Variants in CTNNA3 observed in about 807,000 individuals in gnomAD.
The protein encoded by CTNNA3 is catenin alpha-3.
CTNNA3 carries 76 observed loss-of-function variants against 95.7 expected under a neutral mutation model. That is an observed-to-expected ratio of 0.79 (90% confidence interval 0.66 to 0.96). CTNNA3 has a LOEUF of 0.96. Ranked by LOEUF, CTNNA3 falls within the 40% of genes least tolerant of loss-of-function variation. The pLI, the probability that CTNNA3 is intolerant of heterozygous loss-of-function variation, is 0.00. For synonymous variants in CTNNA3, 431 were observed against 374.4 expected, an observed-to-expected ratio of 1.15 and a Z score of -1.74; for missense variants, 1,191 against 1,089.8, an observed-to-expected ratio of 1.09 and a Z score of -1.31.
intron 5 of CTNNA3, among the ~76,000 whole-genome samples, chr10:67,337,581 T>G (rs1271385826): frequency 6.6e-6 from 1 of 152,172 alleles, no homozygotes; most frequent in East Asian, 1.9e-4. Context: ...ATATTATGGG[T>G]AAAATGCTAT....
At chr10:66,360,723 C>T (rs868486486) in intron 12 of CTNNA3, among the ~76,000 whole-genome samples, 2 of 47,800 alleles carry the variant, frequency 4.2e-5, no homozygotes, top group African/African-American at 1.7e-4. Flanking sequence ...TTCCTTTCTT[C>T]CTTTCTTTCT....
chr10:66,059,960 C>T (rs1277504649), intron 15 of CTNNA3, among the ~76,000 whole-genome samples: 1 of 151,952 alleles, frequency 6.6e-6, no homozygotes, highest in African/African-American at 2.4e-5. Context: ...AAAGGTGGTA[C>T]ACTCTTAACA....
intron 7 of CTNNA3, among the ~76,000 whole-genome samples, chr10:66,996,670 A>AAAAAAAAAAAAAAAAC (rs1217903200): frequency 6.6e-6 from 1 of 150,594 alleles, no homozygotes; most frequent in East Asian, 2.0e-4. Context: ...AAAAAAAAAA[A>AAAAAAAAAAAAAAAAC]AGCATGTTTG....
chr10:67,327,222 T>G (rs963389890), intron 5 of CTNNA3, among the ~76,000 whole-genome samples: 2 of 152,326 alleles, frequency 1.3e-5, no homozygotes, highest in Admixed American at 6.5e-5. Context: ...ATTCTATTTC[T>G]GTCATTTCAG....
chr10:66,455,543 C>A (rs1269101523), intron 11 of CTNNA3, among the ~76,000 whole-genome samples: 2 of 152,162 alleles, frequency 1.3e-5, no homozygotes, highest in Non-Finnish European at 2.9e-5. Context: ...ACACTCCCAC[C>A]AGTGCCCTGA....
intron 5 of CTNNA3, among the ~76,000 whole-genome samples, chr10:67,298,839 C>G (rs1436231826): frequency 6.6e-6 from 1 of 152,188 alleles, no homozygotes; most frequent in Non-Finnish European, 1.5e-5. Context: ...AAAATATACT[C>G]TCATGCTCCA....
chr10:66,523,904 A>G (rs935786509), intron 10 of CTNNA3, among the ~76,000 whole-genome samples: 11 of 152,126 alleles, frequency 7.2e-5, no homozygotes, highest in Non-Finnish European at 1.3e-4. Context: ...AACAAACACC[A>G]TATTTCTTTT....
chr10:66,636,732 A>T (rs1845350087), intron 9 of CTNNA3, among the ~76,000 whole-genome samples: 1 of 152,220 alleles, frequency 6.6e-6, no homozygotes, highest in Non-Finnish European at 1.5e-5. Flanking sequence ...TAAAGACAAC[A>T]ACAAAATCCA....
intron 7 of CTNNA3, among the ~76,000 whole-genome samples, chr10:66,982,741 G>A (rs1850512006): frequency 6.6e-6 from 1 of 152,162 alleles, no homozygotes; most frequent in Non-Finnish European, 1.5e-5. Flanking sequence ...AATAAAAGGT[G>A]AGAGAAAAGA....
chr10:67,287,898 T>C (rs1478426287), intron 5 of CTNNA3, among the ~76,000 whole-genome samples: 1 of 152,184 alleles, frequency 6.6e-6, no homozygotes, highest in East Asian at 1.9e-4. Context: ...AGAACAACTT[T>C]TACTGAGAGT....
intron 10 of CTNNA3, among the ~76,000 whole-genome samples, chr10:66,598,491 T>C (rs977986162): frequency 6.6e-6 from 1 of 151,996 alleles, no homozygotes; most frequent in Non-Finnish European, 1.5e-5. Context: ...GTAGACAACA[T>C]GGTCTTATAT....
At chr10:66,466,373 C>CACACAA (rs1222364133) in intron 11 of CTNNA3, among the ~76,000 whole-genome samples, 3 of 150,732 alleles carry the variant, frequency 2.0e-5, no homozygotes, top group Non-Finnish European at 4.4e-5. Context: ...CACACACACA[C>CACACAA]AATCTATTGG....
At chr10:66,934,718 C>T (rs1847593794) in intron 7 of CTNNA3, among the ~76,000 whole-genome samples, 2 of 152,080 alleles carry the variant, frequency 1.3e-5, no homozygotes, top group Non-Finnish European at 2.9e-5. Context: ...AACACTCTTT[C>T]CAACAATCAG....
chr10:67,266,982 C>G (rs1290796256), intron 5 of CTNNA3, among the ~76,000 whole-genome samples: 1 of 152,042 alleles, frequency 6.6e-6, no homozygotes, highest in East Asian at 1.9e-4. Flanking sequence ...TAGAATTAAA[C>G]TTTTGTTGTT....
intron 15 of CTNNA3, among the ~76,000 whole-genome samples, chr10:66,021,543 C>A (rs2079208677): frequency 6.6e-6 from 1 of 152,124 alleles, no homozygotes; most frequent in African/African-American, 2.4e-5. Flanking sequence ...ACTTTGGCAG[C>A]ATTCTTACTG....
intron 13 of CTNNA3, among the ~76,000 whole-genome samples, chr10:66,274,263 T>C (rs372783856): frequency 1.8e-4 from 27 of 152,298 alleles, no homozygotes; most frequent in Middle Eastern, 3.4e-3. Context: ...TAGAATTTTA[T>C]ACCATTTTCA....
At chr10:67,501,011 T>C (rs187027649) in intron 5 of CTNNA3, among the ~76,000 whole-genome samples, 3 of 152,240 alleles carry the variant, frequency 2.0e-5, no homozygotes, top group African/African-American at 7.2e-5. Context: ...GTCATTATGA[T>C]GCTAGCTGGT....
chr10:66,498,662 G>A (rs1342871470), intron 11 of CTNNA3, among the ~76,000 whole-genome samples: 1 of 152,074 alleles, frequency 6.6e-6, no homozygotes, highest in African/African-American at 2.4e-5. Context: ...TAAACCTTTA[G>A]CACTGTGGGA....
chr10:67,633,964 C>A (rs1332839230), intron 2 of CTNNA3, among the ~76,000 whole-genome samples: 2 of 152,144 alleles, frequency 1.3e-5, no homozygotes, highest in African/African-American at 4.8e-5. Flanking sequence ...CATATAAATT[C>A]AGGGAATGCA....
Sources: allele counts gnomAD v4.1 joint callset (sites outside exome capture counted in the v4.1 genomes callset), GRCh38; gene constraint gnomAD v4.1.1; transcripts MANE v1.5; gene names NCBI Gene and HGNC (gene_info 2026-07-23, HGNC 2026-07-21).